BIRC6: variants seen among roughly 807,000 people sequenced by gnomAD.
BIRC6 encodes baculoviral IAP repeat containing 6.
In BIRC6, 98 loss-of-function variants were observed where a neutral mutation model predicts 503.3. The observed-to-expected ratio is 0.19, with a 90% confidence interval of 0.17 to 0.23. BIRC6 has a LOEUF of 0.23. Among genes scored for constraint, BIRC6 ranks in the 10% least tolerant of loss-of-function variants. The pLI is 1.00. For missense variants in BIRC6, 5,360 were observed against 5,806.0 expected, an observed-to-expected ratio of 0.92 and a Z score of 2.50; for synonymous variants, 2,240 against 2,078.7, an observed-to-expected ratio of 1.08 and a Z score of -2.11.
At chr2:32,467,343 C>G (rs570377285) in intron 26 of BIRC6, among the ~76,000 whole-genome samples, 182 bp from the exon 27 acceptor site, 1 of 152,154 alleles carries the variant, frequency 6.6e-6, no homozygotes, top group African/African-American at 2.4e-5. Context: ...CTAACACAGA[C>G]TGGGATTTCA....
At chr2:32,548,124 T>G in intron 64 of BIRC6, 110 bp downstream of exon 64, 1 of 957,326 alleles carries the variant, frequency 1.0e-6, no homozygotes. Context: ...TATGCCCACT[T>G]GTGGTCCTTC....
In BIRC6 at chr2:32,453,913, A is replaced by T; in HGVS notation, c.4724A>T (p.Asp1575Val). 6.2e-7 allele frequency: 1 copy of T among 1,613,502 alleles called. No individual in the cohort carries two copies. Among genetic ancestry groups the T allele is most frequent in the Non-Finnish European group, 8.5e-7 (1 of 1,179,472 alleles). Reference sequence around the variant, plus strand: ...CACTTTACTTGTGTGTCAACTAGTGATGGAACCAGAATAGAAAGGGATGAT... The same window carrying T: ...CACTTTACTTGTGTGTCAACTAGTGTTGGAACCAGAATAGAAAGGGATGAT... ...PLHFTCVSTS[D>V]GTRIERDDAM... The change falls in exon 23 of 74, where the codon GAT becomes GTT. Residue 1575 changes from aspartate (D) to valine (V), a missense_variant. Transcript: ENST00000421745.
chr2:32,453,706 T>C, intron 22 of BIRC6, 102 bp from the exon 23 acceptor site: 1 of 1,117,698 alleles, frequency 8.9e-7, no homozygotes, highest in Non-Finnish European at 1.3e-6. Flanking sequence ...TGTGTATTTA[T>C]ATGTTCTAAT....
chr2:32,588,838 ATTC>A (rs1276709991), intron 66 of BIRC6, among the ~76,000 whole-genome samples: 1 of 152,204 alleles, frequency 6.6e-6, no homozygotes. Context: ...TATTGTGAAA[ATTC>A]ATTCTGTTAC....
At chr2:32,419,501 A>G (rs188615946) in intron 10 of BIRC6, among the ~76,000 whole-genome samples, 15 of 152,308 alleles carry the variant, frequency 9.8e-5, no homozygotes, top group African/African-American at 2.6e-4. Flanking sequence ...TTAAAGTGAA[A>G]GATAAATTGG....
intron 8 of BIRC6, 52 bp downstream of exon 8, chr2:32,401,675 A>G (rs968444164): frequency 1.6e-5 from 24 of 1,480,780 alleles, no homozygotes; most frequent in Admixed American, 2.1e-5. Context: ...GTTTTCCTAA[A>G]TTTTATATTC....
intron 66 of BIRC6, among the ~76,000 whole-genome samples, chr2:32,583,849 G>A (rs936154370): frequency 2.0e-5 from 3 of 152,016 alleles, no homozygotes; most frequent in Non-Finnish European, 4.4e-5. Flanking sequence ...TTCTACCTCA[G>A]CCTCCCAAGT....
In BIRC6 at chr2:32,468,116, G is replaced by A; in HGVS notation, c.5780+5G>A. 6.2e-7 allele frequency: 1 copy of A among 1,612,454 alleles called. No individual in the cohort carries two copies. Among genetic ancestry groups the A allele is most frequent in the Non-Finnish European group, 8.5e-7 (1 of 1,178,938 alleles). ...GCAGGAGGATATACAGTGCAGGTTAGTACAGAGTGCAAATTTTAATGTTAT... is the reference window on the plus strand; with the variant it reads ...GCAGGAGGATATACAGTGCAGGTTAATACAGAGTGCAAATTTTAATGTTAT... On this transcript the variant is annotated splice_donor_5th_base_variant and intron_variant, in intron 28 of 73. Coordinates refer to ENST00000421745, the MANE Select transcript of BIRC6 (RefSeq NM_016252.4).
chr2:32,485,675 C>A lies in BIRC6; in HGVS notation c.7729C>A (p.Gln2577Lys). Residue 2577 changes from glutamine to lysine, a missense_variant, in exon 40 of 74, where the codon CAG (glutamine) becomes AAG (lysine). Physicochemically the swap from Gln to Lys is moderately conservative, Grantham distance 53 (BLOSUM62 1). Coordinates refer to ENST00000421745, the MANE Select transcript of BIRC6 (RefSeq NM_016252.4). ...LDARLEVGLE[Q>K]QAELMLKMMS... ...TGCTCGCCTAGAAGTTGGACTTGAA[C>A]AGCAAGCAGAACTGATGTTGAAAAT... 5 of 1,613,544 alleles carry A rather than the reference C, an allele frequency of 3.1e-6. No individual in the cohort carries two copies. Among genetic ancestry groups the A allele is most frequent in the Non-Finnish European group, 4.2e-6 (5 of 1,179,570 alleles).
chr2:32,468,144 A>C, intron 28 of BIRC6, 33 bp downstream of exon 28: 1 of 1,582,000 alleles, frequency 6.3e-7, no homozygotes, highest in East Asian at 2.2e-5. Flanking sequence ...AATGTTATTG[A>C]AACTTTGTAT....
chr2:32,508,915 A>T (rs2054094473), intron 51 of BIRC6, among the ~76,000 whole-genome samples: 1 of 151,890 alleles, frequency 6.6e-6, no homozygotes, highest in Admixed American at 6.6e-5. Flanking sequence ...AAACCCCATC[A>T]CTACTAAAAA....
intron 8 of BIRC6, among the ~76,000 whole-genome samples, chr2:32,406,278 C>G (rs114219012): frequency 0.019 from 2,923 of 152,022 alleles, 81 homozygotes; most frequent in African/African-American, 0.068. Context: ...TGCCTGTGGT[C>G]CCACCTACAC....
In BIRC6 at chr2:32,595,500, T is replaced by C. The variant is rs958237985; in HGVS notation, c.13612+356T>C. ...GAACTAAGTCTGTTACTCTTGCCATTTTAGATTTCCTTGCAATTCACCTTT... is the reference window on the plus strand; with the variant it reads ...GAACTAAGTCTGTTACTCTTGCCATCTTAGATTTCCTTGCAATTCACCTTT... On this transcript the variant is annotated intron_variant, in intron 68 of 73. Transcript: ENST00000421745. 2.0e-5 allele frequency among the ~76,000 whole-genome samples: 3 copies of C among 152,192 alleles called. No homozygotes were observed. The East Asian group carries it at 5.8e-4, about 29-fold the overall frequency.
chr2:32,478,547 A>G (rs756680221), intron 35 of BIRC6, 88 bp from the exon 36 acceptor site: 161 of 1,150,064 alleles, frequency 1.4e-4, no homozygotes, highest in Non-Finnish European at 1.9e-4. Context: ...CCTATTGTTC[A>G]GTGCTAAAGT....
intron 53 of BIRC6, 141 bp from the exon 54 acceptor site, chr2:32,512,792 A>T: frequency 3.0e-6 from 2 of 665,164 alleles, no homozygotes; most frequent in East Asian, 2.8e-5. Context: ...TTTTTTTCCT[A>T]TTTTAGATTA....
intron 60 of BIRC6, among the ~76,000 whole-genome samples, chr2:32,530,417 G>C (rs1191936454): frequency 2.0e-5 from 3 of 152,104 alleles, no homozygotes; most frequent in Non-Finnish European, 4.4e-5. Context: ...CACCATGTTG[G>C]CCAAGCTACT....
chr2:32,383,769 T>A (rs1161442405), intron 3 of BIRC6, among the ~76,000 whole-genome samples: 1 of 152,158 alleles, frequency 6.6e-6, no homozygotes, highest in African/African-American at 2.4e-5. Context: ...TGACCTCAGG[T>A]GATCCAACCG....
rs753200611 is a variant in BIRC6, at chr2:32,595,034, A to G, written c.13502A>G (p.Glu4501Gly). ...ATTSLRQANQ[E>G]KKLGEYSKKA... ...TTTATCTTGAAATATTAAATAACAG[A>G]AAAAAAACTGGGTGAATACTCCAAG... Residue 4501 changes from glutamate (E) to glycine (G), a missense_variant and splice_region_variant, in exon 68 of 74, where the codon GAA (glutamate) becomes GGA (glycine). Physicochemically the swap from Glu to Gly is moderately conservative, Grantham distance 98. This residue lies in a region of BIRC6 where 477 missense variants were observed against 574.4 expected (regional missense o/e 0.83). Transcript: ENST00000421745. 1.7e-5 allele frequency: 26 copies of G among 1,562,528 alleles called. No homozygotes were observed. The highest frequency in any genetic ancestry group is 2.2e-5 in the Non-Finnish European group (25 of 1,154,468).
intron 62 of BIRC6, among the ~76,000 whole-genome samples, chr2:32,544,611 C>T (rs750762214): frequency 6.6e-6 from 1 of 151,212 alleles, no homozygotes; most frequent in Non-Finnish European, 1.5e-5. Context: ...TTTCACATGC[C>T]ATTTAGAAAG....
Sources: gnomAD v4.1 joint callset for allele counts (sites outside exome capture counted in the v4.1 genomes callset) on GRCh38, gnomAD v4.1.1 for gene constraint, gnomAD v4.1.1 regional missense constraint, MANE v1.5 for transcripts, NCBI Gene and HGNC (gene_info 2026-07-23, HGNC 2026-07-21) for gene names.